Variants in UPF1 observed in about 807,000 individuals in gnomAD.
UPF1 encodes UPF1 RNA helicase and ATPase, also known as regulator of nonsense transcripts 1.
A neutral mutation model predicts 129.2 loss-of-function variants in UPF1; 9 were observed. The observed-to-expected ratio is 0.07, with a 90% CI of 0.04 to 0.12. The LOEUF (loss-of-function observed/expected upper bound fraction) is 0.12, where lower values mean the gene tolerates loss of function less well. Ranked by LOEUF, UPF1 falls within the 10% of genes least tolerant of loss-of-function variation. The pLI is 1.00. For synonymous variants in UPF1, 649 were observed against 644.9 expected (o/e 1.01, Z -0.10); for missense variants, 788 against 1,525.3 (o/e 0.52, Z 8.05).
chr19:18,865,929 C>CTGGGGTCATCAGAG lies in UPF1; in HGVS notation c.3238-111_3238-110insGTCATCAGAGTGGG. The stretch of plus-strand genomic sequence containing the variant: ...GGCTGGGGTCATCAGAGTGGGTCTC[C>CTGGGGTCATCAGAG]TGGGTCTTAGTTTGGGGACGGGTTT... On this transcript the variant is annotated intron_variant, in intron 22 of 23. Transcript: ENST00000262803. This position sits in a 1 kb window ranked among gnomAD's most constrained non-coding sequence, Gnocchi z 6.1. 10 of 1,587,718 alleles carry CTGGGGTCATCAGAG rather than the reference C, an allele frequency of 6.3e-6. No individual in the cohort carries two copies. The highest frequency in any genetic ancestry group is 8.5e-6 in the Non-Finnish European group (10 of 1,170,378).
In UPF1 at chr19:18,863,508, T is replaced by A. The variant is rs1214386890; in HGVS notation, c.2671T>A (p.Tyr891Asn). 1 of 1,613,894 alleles carries A rather than the reference T, an allele frequency of 6.2e-7. No individual in the cohort carries two copies. The highest frequency in any genetic ancestry group is 8.5e-7 in the Non-Finnish European group (1 of 1,179,870). The change falls in exon 19 of 24, where the codon TAC becomes AAC. Residue 891 changes from tyrosine (Y) to asparagine (N), a missense_variant. By Grantham distance (143) the Tyr-to-Asn change is moderately radical. This residue lies in a region of UPF1 where 218 missense variants were observed against 318.1 expected (regional missense o/e 0.69). Transcript: ENST00000262803. The stretch of plus-strand genomic sequence containing the variant: ...GCCGCTCTGGAACCACCTGCTGAAC[T>A]ACTATAAGGAGCAGAAGGTGCTGGT... Reference protein sequence around the residue: ...KQPLWNHLLNYYKEQKVLVEG... With the variant: ...KQPLWNHLLNNYKEQKVLVEG...
chr19:18,864,147 C>G (rs1408315579), intron 19 of UPF1, 23 bp from the exon 20 acceptor site: 1 of 1,610,482 alleles, frequency 6.2e-7, no homozygotes, highest in South Asian at 1.1e-5. Flanking sequence ...TGACAAATTC[C>G]TCACCTATCT....
chr19:18,842,884 G>C (rs1234635393), intron 1 of UPF1, among the ~76,000 whole-genome samples: 1 of 152,024 alleles, frequency 6.6e-6, no homozygotes, highest in African/African-American at 2.4e-5. Context: ...CTACTTGGGA[G>C]GCTGAGGCAG....
chr19:18,852,902 C>T (rs972539871), intron 6 of UPF1, 85 bp from the exon 7 acceptor site: 34 of 1,150,184 alleles, frequency 3.0e-5, no homozygotes, highest in African/African-American at 1.4e-4. Context: ...CTGTAGGGCC[C>T]GCCTCATGGG....
At chr19:18,836,749 A>ATTTTTTT (rs755282469) in intron 1 of UPF1, among the ~76,000 whole-genome samples, 3 of 129,502 alleles carry the variant, frequency 2.3e-5, no homozygotes, top group African/African-American at 5.7e-5. Flanking sequence ...CTATCCACCC[A>ATTTTTTT]TTTTTTTTTT....
chr19:18,837,500 C>G (rs1297088907), intron 1 of UPF1, among the ~76,000 whole-genome samples: 1 of 152,234 alleles, frequency 6.6e-6, no homozygotes, highest in Non-Finnish European at 1.5e-5. Context: ...ATGAGAACCC[C>G]AAACCGGAAG....
intron 15 of UPF1, 135 bp downstream of exon 15, chr19:18,857,668 TTG>T (rs2055733231): frequency 9.6e-6 from 10 of 1,038,272 alleles, no homozygotes; most frequent in Admixed American, 3.0e-5. Context: ...TCAGGGCACT[TTG>T]TGCCCAAGGT....
intron 16 of UPF1, 105 bp downstream of exon 16, chr19:18,860,543 C>T (rs547005003): frequency 1.5e-4 from 180 of 1,168,662 alleles, no homozygotes; most frequent in Non-Finnish European, 1.9e-4. Flanking sequence ...CTTTTTTTGC[C>T]TTCATTTCCT....
In UPF1 at chr19:18,862,046, C is replaced by T; in HGVS notation, c.2494C>T (p.Arg832Cys). Reference protein sequence around the residue: ...EIASVDAFQGREKDFIILSCV... With the variant: ...EIASVDAFQGCEKDFIILSCV... Reference sequence around the variant, plus strand: ...CGCCAGTGTGGACGCCTTTCAGGGACGCGAGAAGGACTTCATCATCCTGTC... The same window carrying T: ...CGCCAGTGTGGACGCCTTTCAGGGATGCGAGAAGGACTTCATCATCCTGTC... The change falls in exon 18 of 24, where the codon CGC becomes TGC. Residue 832 changes from arginine (R) to cysteine (C), a missense_variant. Transcript: ENST00000262803. 6.2e-7 allele frequency: 1 copy of T among 1,612,888 alleles called. No homozygotes were observed. Among genetic ancestry groups the T allele is most frequent in the Non-Finnish European group, 8.5e-7 (1 of 1,179,600 alleles).
At position 18,853,155 on chromosome 19, in the gene UPF1, G is replaced by A; in HGVS notation, c.1057+84G>A. 2 of 1,602,764 alleles carry A rather than the reference G, an allele frequency of 1.2e-6. No individual in the cohort carries two copies. Among genetic ancestry groups the A allele is most frequent in the Middle Eastern group, 3.3e-4 (2 of 6,026 alleles). The stretch of plus-strand genomic sequence containing the variant: ...TGACCATAAGTAGCATAAATTCCTA[G>A]TTCCACCCTTGTAAAGTGCCCCTTA... On this transcript the variant is annotated intron_variant, in intron 7 of 23. Coordinates refer to ENST00000262803, the MANE Select transcript of UPF1 (RefSeq NM_002911.4). The surrounding 1 kb of genome is among the most constrained non-coding windows in gnomAD (Gnocchi z 4.4).
Position 18,853,173 on chromosome 19 carries a change from G to T in UPF1, c.1058-79G>T. ...ATTCCTAGTTCCACCCTTGTAAAGT[G>T]CCCCTTAATTTGAACTCTCCCTGGT... is the stretch of plus-strand genomic sequence containing the variant. On this transcript the variant is annotated intron_variant, in intron 7 of 23. Transcript: ENST00000262803. This position sits in a 1 kb window ranked among gnomAD's most constrained non-coding sequence, Gnocchi z 4.4. 1 of 1,593,800 alleles carries T rather than the reference G, an allele frequency of 6.3e-7. No homozygotes were observed. The highest frequency in any genetic ancestry group is 1.1e-5 in the South Asian group (1 of 89,762).
rs1456283455 is a variant in UPF1, at chr19:18,851,343, T to A, written c.810+475T>A. Among the ~76,000 whole-genome samples, 1 of 152,192 alleles carries A rather than the reference T, an allele frequency of 6.6e-6. No homozygotes were observed. The highest frequency in any genetic ancestry group is 1.5e-5 in the Non-Finnish European group (1 of 68,032). ...CCCTCCTTCCACAGACAGCCCTCAC[T>A]TTTCCCCACGGAAGCCTTTCTGTGC... On this transcript the variant is annotated intron_variant, in intron 5 of 23. Transcript: ENST00000262803. The surrounding 1 kb of genome is among the most constrained non-coding windows in gnomAD (Gnocchi z 4.2).
chr19:18,850,199 T>G lies in UPF1; in HGVS notation c.586T>G (p.Phe196Val). 1 of 1,613,560 alleles carries G rather than the reference T, an allele frequency of 6.2e-7. No homozygotes were observed. The highest frequency in any genetic ancestry group is 8.5e-7 in the Non-Finnish European group (1 of 1,179,700). ...CTGTCGCAACGTCTTCCTCCTCGGC[T>G]TCATCCCGGCCAAAGCTGACTCAGT... is the stretch of plus-strand genomic sequence containing the variant. The part of the protein sequence containing the change: ...CGCRNVFLLG[F>V]IPAKADSVVV... The change falls in exon 4 of 24, where the codon TTC becomes GTC. Residue 196 changes from phenylalanine (F) to valine (V), a missense_variant. By Grantham distance (50) the Phe-to-Val change is conservative (BLOSUM62 -1). Around this residue, in one of 6 missense-constraint regions of UPF1, gnomAD observed 227 missense variants for 517.9 expected, o/e 0.44. Coordinates refer to ENST00000262803, the MANE Select transcript of UPF1 (RefSeq NM_002911.4). The surrounding 1 kb of genome is among the most constrained non-coding windows in gnomAD (Gnocchi z 7.1).
At position 18,865,687 on chromosome 19, in the gene UPF1, T is replaced by C; in HGVS notation, c.3146T>C (p.Phe1049Ser). ...AGCCAGGATGTGGCGTCACAGCCCTTCTCTCAGGGCGCCCTGACGCAGGGC... is the reference window on the plus strand; with the variant it reads ...AGCCAGGATGTGGCGTCACAGCCCTCCTCTCAGGGCGCCCTGACGCAGGGC... The part of the protein sequence containing the change: ...QASQDVASQP[F>S]SQGALTQGYI... Residue 1049 changes from phenylalanine to serine, a missense_variant, in exon 22 of 24, where the codon TTC (phenylalanine) becomes TCC (serine). Phe to Ser is a radical substitution (Grantham distance 155). Coordinates refer to ENST00000262803, the MANE Select transcript of UPF1 (RefSeq NM_002911.4). The surrounding 1 kb of genome is among the most constrained non-coding windows in gnomAD (Gnocchi z 6.1). 6.2e-7 allele frequency: 1 copy of C among 1,613,774 alleles called. No homozygotes were observed.
rs2055460567 is a variant in UPF1, at chr19:18,834,300, G to A, written c.231+1860G>A. ...ACAGCGCGGATCGGGGGGTTGGCTGGGTGTGAAAGGTAATCATTTTCTTGT... is the reference window on the plus strand; with the variant it reads ...ACAGCGCGGATCGGGGGGTTGGCTGAGTGTGAAAGGTAATCATTTTCTTGT... On this transcript the variant is annotated intron_variant, in intron 1 of 23. Transcript: ENST00000262803. Among the ~76,000 whole-genome samples the A allele has an allele frequency of 2.0e-5, 3 of 152,196 alleles. No individual in the cohort carries two copies. In the South Asian group the frequency reaches 6.2e-4, roughly 32 times the overall value.
At chr19:18,856,338 T>C in intron 13 of UPF1, 38 bp downstream of exon 13, 1 of 1,557,228 alleles carries the variant, frequency 6.4e-7, no homozygotes, top group South Asian at 1.1e-5. Context: ...GCCTGTGGGC[T>C]GGCGGCCTGA....
In UPF1 at chr19:18,854,727, A is replaced by G; in HGVS notation, c.1265+18A>G. On this transcript the variant is annotated intron_variant, in intron 9 of 23. Coordinates refer to ENST00000262803, the MANE Select transcript of UPF1 (RefSeq NM_002911.4). ...TTTGACAGGTACGTCTTCTCCCATCACTGCCCCCTGTTCCCTGGTTGCCAC... is the reference window on the plus strand; with the variant it reads ...TTTGACAGGTACGTCTTCTCCCATCGCTGCCCCCTGTTCCCTGGTTGCCAC... The G allele has an allele frequency of 6.2e-7, 1 of 1,611,736 alleles. No homozygotes were observed.
chr19:18,832,374 C>T lies in UPF1; in HGVS notation c.165C>T (p.Gly55=), dbSNP rs2055436084. ...CCCCCGGCGGCCCCGGCGGCCCGGG[C>T]GGTGGCGGCGCGGGAGGCCCGGGCG... ...QTPPGGPGGP[G]GGGAGGPGGA... Residue 55 remains glycine, a synonymous_variant, in exon 1 of 24, where the codon GGC becomes GGT. Transcript: ENST00000262803. The surrounding 1 kb of genome is among the most constrained non-coding windows in gnomAD (Gnocchi z 5.6). The T allele has an allele frequency of 2.4e-6, 3 of 1,241,324 alleles. No homozygotes were observed. The highest frequency in any genetic ancestry group is 3.1e-6 in the Non-Finnish European group (3 of 973,350). 76.9% of individuals were successfully genotyped at this position (1,241,324 alleles called of 1,614,324 possible).
chr19:18,851,377 G>A lies in UPF1; in HGVS notation c.810+509G>A, dbSNP rs114786762. On this transcript the variant is annotated intron_variant, in intron 5 of 23. Transcript: ENST00000262803. This position sits in a 1 kb window ranked among gnomAD's most constrained non-coding sequence, Gnocchi z 4.2. ...CGGAAGCCTTTCTGTGCTTCCAGCT[G>A]TTTAGGATTTTGTGATAAAGTAGTT... Among the ~76,000 whole-genome samples, 4,728 of 152,310 alleles carry A rather than the reference G, an allele frequency of 0.031. 98 individuals are homozygous for A. Among genetic ancestry groups the A allele is most frequent in the Non-Finnish European group, 0.038 (2,610 of 68,030 alleles).
Sources: gnomAD v4.1 joint callset for allele counts (sites outside exome capture counted in the v4.1 genomes callset) on GRCh38, gnomAD v4.1.1 for gene constraint, gnomAD v4.1.1 regional missense constraint, Gnocchi (gnomAD v3.1) non-coding constraint, MANE v1.5 for transcripts, NCBI Gene and HGNC (gene_info 2026-07-23, HGNC 2026-07-21) for gene names.